Variants in LRP11 observed in about 807,000 individuals in gnomAD.
LRP11 encodes the protein low-density lipoprotein receptor-related protein 11.
Under a neutral mutation model 43.1 loss-of-function variants are expected in LRP11, and 25 were observed. The observed-to-expected ratio is 0.58, with a 90% CI of 0.42 to 0.81. The LOEUF (loss-of-function observed/expected upper bound fraction) is 0.81, where lower values mean the gene tolerates loss of function less well. Among genes scored for constraint, LRP11 ranks in the 30% least tolerant of loss-of-function variants. LRP11 has a pLI of 0.00. For missense variants in LRP11, 623 were observed against 665.1 expected, an observed-to-expected ratio of 0.94 and a Z score of 0.70; for synonymous variants, 316 against 299.4, an observed-to-expected ratio of 1.06 and a Z score of -0.57.
At chr6:149,825,995 C>G (rs1008705310) in intron 6 of LRP11, 8 of 427,412 alleles carry the variant, frequency 1.9e-5, no homozygotes, top group African/African-American at 3.9e-5. Flanking sequence ...AGCTTGTGTT[C>G]TCCCACCATG....
At chr6:149,836,386 C>A in intron 4 of LRP11, 89 bp from the exon 5 acceptor site, 1 of 1,166,528 alleles carries the variant, frequency 8.6e-7, no homozygotes, top group Non-Finnish European at 1.2e-6. Context: ...GATTTAAAAT[C>A]ACGGATATTT....
chr6:149,861,365 C>A (rs771787188), intron 1 of LRP11, among the ~76,000 whole-genome samples: 1 of 152,156 alleles, frequency 6.6e-6, no homozygotes, highest in Non-Finnish European at 1.5e-5. Flanking sequence ...CAGCAGTGTT[C>A]TCCCAGAAAT....
At chr6:149,848,985 A>G (rs7738696) in intron 2 of LRP11, among the ~76,000 whole-genome samples, 61,064 of 152,064 alleles carry the variant, frequency 0.4, 13,045 homozygotes, top group East Asian at 0.82. Context: ...TTATAAAATA[A>G]GAAATGGGTC....
chr6:149,849,421 T>C (rs917247190), intron 2 of LRP11, among the ~76,000 whole-genome samples: 3 of 152,204 alleles, frequency 2.0e-5, no homozygotes, highest in African/African-American at 4.8e-5. Flanking sequence ...ATCCAGTGGA[T>C]AGCCTCTTGG....
intron 2 of LRP11, among the ~76,000 whole-genome samples, chr6:149,851,634 A>G (rs1776720858): frequency 6.6e-6 from 1 of 152,224 alleles, no homozygotes; most frequent in South Asian, 2.1e-4. Flanking sequence ...TGCTTGCCCA[A>G]CACAGTGATG....
In LRP11 at chr6:149,819,142, T is replaced by C. The variant is rs1357357474; in HGVS notation, c.*1407A>G. ...AAAAATGATACCCAATTTCTTTGCT[T>C]TTCTAGAAGTAACTTTCCATTTGTT... On this transcript the variant is annotated 3_prime_UTR_variant, in exon 7 of 7. Transcript: ENST00000239367. The C allele has an allele frequency of 6.6e-6, 1 of 152,240 alleles. No homozygotes were observed. Among genetic ancestry groups the C allele is most frequent in the East Asian group, 1.9e-4 (1 of 5,206 alleles). The allele number at this position is 152,240 out of a possible 1,614,324, so 9.4% of individuals were successfully genotyped here. A position where few individuals can be genotyped will look rare whatever the true frequency, so the allele number is the denominator to read the frequency against.
Position 149,820,396 on chromosome 6 carries a change from C to CTT in LRP11, c.*151_*152dup, listed in dbSNP as rs58791549. ...AAATATTTTATGACTTCTAAGGAAA[C>CTT]TTTTTTTACAATAAATAATAAAGAA... On this transcript the variant is annotated 3_prime_UTR_variant, in exon 7 of 7. Transcript: ENST00000239367. The CTT allele has an allele frequency of 7.7e-5, 36 of 469,860 alleles. No individual in the cohort carries two copies. The highest frequency in any genetic ancestry group is 2.7e-4 in the East Asian group (8 of 29,888). 29.1% of individuals were successfully genotyped at this position (469,860 alleles called of 1,614,324 possible).
chr6:149,832,871 C>T (rs1415139361), intron 5 of LRP11, among the ~76,000 whole-genome samples: 4 of 151,930 alleles, frequency 2.6e-5, no homozygotes, highest in Admixed American at 6.6e-5. Flanking sequence ...TGCAGTGGTG[C>T]GATCTTGGCT....
chr6:149,833,701 C>T (rs1776437056), intron 5 of LRP11, among the ~76,000 whole-genome samples: 1 of 152,100 alleles, frequency 6.6e-6, no homozygotes, highest in African/African-American at 2.4e-5. Context: ...AATATAATAA[C>T]TGTACATCTA....
chr6:149,842,648 G>C, intron 3 of LRP11: 1 of 1,550,918 alleles, frequency 6.4e-7, no homozygotes, highest in Non-Finnish European at 8.7e-7. Flanking sequence ...CTTCCCTCTT[G>C]GAACAGATGC....
intron 5 of LRP11, among the ~76,000 whole-genome samples, chr6:149,833,167 GACCTCATGATCCGCCC>G (rs1233734368): frequency 1.3e-5 from 2 of 152,128 alleles, no homozygotes; most frequent in Non-Finnish European, 2.9e-5. Flanking sequence ...TCGATCTCCT[GACCTCATGATCCGCCC>G]ACCTCGGCCT....
chr6:149,828,048 A>T (rs1191311451), intron 5 of LRP11, among the ~76,000 whole-genome samples: 2 of 149,304 alleles, frequency 1.3e-5, no homozygotes, highest in African/African-American at 2.5e-5. Flanking sequence ...AAAATTAGCC[A>T]GGCATGGTGG....
chr6:149,842,474 T>C (rs776947698), intron 3 of LRP11: 2 of 642,046 alleles, frequency 3.1e-6, no homozygotes, highest in Non-Finnish European at 5.6e-6. Context: ...ATAGTCACCA[T>C]GCTGTGCAAC....
At position 149,852,925 on chromosome 6, in the gene LRP11, A is replaced by C. The variant is rs1373278597; in HGVS notation, c.771+78T>G. On this transcript the variant is annotated intron_variant, in intron 2 of 6. Coordinates refer to ENST00000239367, the MANE Select transcript of LRP11 (RefSeq NM_032832.6). Reference sequence around the variant, plus strand: ...TCTGCTAGCGTACAGACATTTAGGGAGCATGAAGTGGCAGGACATTACAAA... The same window carrying C: ...TCTGCTAGCGTACAGACATTTAGGGCGCATGAAGTGGCAGGACATTACAAA... 3 of 1,302,540 alleles carry C rather than the reference A, an allele frequency of 2.3e-6. No individual in the cohort carries two copies. In the African/African-American group the frequency reaches 4.5e-5, roughly 20 times the overall value. 80.7% of individuals were successfully genotyped at this position (1,302,540 alleles called of 1,614,324 possible). A position where few individuals can be genotyped will look rare whatever the true frequency, so the allele number is the denominator to read the frequency against.
rs144739482 is a variant in LRP11 at position 149,831,266 on chromosome 6, G to A, written c.1252+4819C>T. Among the ~76,000 whole-genome samples, 48 of 152,284 alleles carry A rather than the reference G, an allele frequency of 3.2e-4. No homozygotes were observed. The East Asian group carries it at 7.9e-3, about 25-fold the overall frequency. On this transcript the variant is annotated intron_variant, in intron 5 of 6. Coordinates refer to ENST00000239367, the MANE Select transcript of LRP11 (RefSeq NM_032832.6). ...GCCATAGAGCATGCAGGCATGATCC[G>A]GAAGAAATACTTTAACATGCCCAGG...
At chr6:149,854,595 G>T (rs1776771573) in intron 1 of LRP11, among the ~76,000 whole-genome samples, 1 of 152,146 alleles carries the variant, frequency 6.6e-6, no homozygotes, top group Non-Finnish European at 1.5e-5. Flanking sequence ...TCACCCAAAT[G>T]CACACATATT....
At chr6:149,837,796 A>G (rs1346974450) in intron 3 of LRP11, among the ~76,000 whole-genome samples, 1 of 152,062 alleles carries the variant, frequency 6.6e-6, no homozygotes. Flanking sequence ...TCATTCATTC[A>G]TTCATAGAAA....
intron 2 of LRP11, among the ~76,000 whole-genome samples, chr6:149,849,185 G>C (rs1255334728): frequency 6.6e-6 from 1 of 152,122 alleles, no homozygotes; most frequent in African/African-American, 2.4e-5. Context: ...ACTGATTTAT[G>C]AATTCCAAAT....
At chr6:149,826,499 G>T in intron 5 of LRP11, 140 bp from the exon 6 acceptor site, 1 of 614,128 alleles carries the variant, frequency 1.6e-6, no homozygotes. Flanking sequence ...AAAGGCCTAT[G>T]TTTGATAGTT....
Sources: allele counts gnomAD v4.1 joint callset (sites outside exome capture counted in the v4.1 genomes callset), GRCh38; gene constraint gnomAD v4.1.1; transcripts MANE v1.5; gene names NCBI Gene and HGNC (gene_info 2026-07-23, HGNC 2026-07-21).